SPATA18: variants seen among roughly 807,000 people sequenced by gnomAD.
The protein encoded by SPATA18 is mitochondria-eating protein.
In SPATA18, 54 loss-of-function variants were observed where a neutral mutation model predicts 68.1. That is an observed-to-expected ratio of 0.79 (90% CI 0.64 to 0.99). The LOEUF (loss-of-function observed/expected upper bound fraction) is 0.99. SPATA18 is among the 50% of genes least tolerant of loss of function. SPATA18 has a pLI of 0.00. For missense variants in SPATA18, 724 were observed against 681.1 expected (o/e 1.06, Z -0.70); for synonymous variants, 242 against 244.8 (o/e 0.99, Z 0.11).
At chr4:52,078,292 CT>C (rs1560601069) in intron 7 of SPATA18, 1 of 152,678 alleles carries the variant, frequency 6.5e-6, no homozygotes, top group African/African-American at 2.4e-5. Flanking sequence ...TTTCCCAATG[CT>C]TACCACACCA....
At chr4:52,068,104 G>C (rs1160643394) in intron 4 of SPATA18, among the ~76,000 whole-genome samples, 1 of 152,140 alleles carries the variant, frequency 6.6e-6, no homozygotes, top group African/African-American at 2.4e-5. Context: ...AAATACCCAA[G>C]TTCTTCATTC....
chr4:52,062,325 C>T lies in SPATA18; in HGVS notation c.415C>T (p.Gln139Ter), dbSNP rs771291503. ...AACCCGGAGTCAATGCAACCAGGTT[C>T]AAGACGAGTAAGAGGAATGCAAGTT... is the stretch of plus-strand genomic sequence containing the variant. ...NSTRSQCNQV[Q>*]DDLVETEKNL... Residue 139 changes from glutamine to a stop codon, truncating the protein, a stop_gained, in exon 4 of 13, where the codon CAA (glutamine) becomes TAA (stop). Transcript: ENST00000295213. LOFTEE classifies it high-confidence loss of function. 1 of 1,598,630 alleles carries T rather than the reference C, an allele frequency of 6.3e-7. No individual in the cohort carries two copies. The highest frequency in any genetic ancestry group is 2.2e-5 in the East Asian group (1 of 44,684).
chr4:52,078,769 A>C lies in SPATA18; in HGVS notation c.1055A>C (p.His352Pro). 2 of 1,592,558 alleles carry C rather than the reference A, an allele frequency of 1.3e-6. No individual in the cohort carries two copies. The highest frequency in any genetic ancestry group is 1.7e-6 in the Non-Finnish European group (2 of 1,163,006). Reference sequence around the variant, plus strand: ...CATGTAGCAAAAATGGCATTCAGACACTTCAAGATCCATGTGAGAAAATCG... The same window carrying C: ...CATGTAGCAAAAATGGCATTCAGACCCTTCAAGATCCATGTGAGAAAATCG... ...AFHVAKMAFRHFKIHVRKSLT... is the reference protein window; with the variant it reads ...AFHVAKMAFRPFKIHVRKSLT... Residue 352 changes from histidine (H) to proline (P), a missense_variant, in exon 8 of 13, where the codon CAC becomes CCC. By Grantham distance (77) the His-to-Pro change is moderately conservative (BLOSUM62 -2). Transcript: ENST00000295213.
At chr4:52,066,220 G>A (rs561721647) in intron 4 of SPATA18, among the ~76,000 whole-genome samples, 3 of 152,154 alleles carry the variant, frequency 2.0e-5, no homozygotes, top group East Asian at 3.9e-4. Flanking sequence ...GTGCGATCTC[G>A]GCTCACTGCA....
chr4:52,053,278 A>G (rs1343132731), intron 1 of SPATA18, among the ~76,000 whole-genome samples: 12 of 152,190 alleles, frequency 7.9e-5, no homozygotes, highest in Non-Finnish European at 1.8e-4. Flanking sequence ...TCTTGATAAC[A>G]TCCCATTCTC....
intron 1 of SPATA18, among the ~76,000 whole-genome samples, chr4:52,055,720 G>A (rs1375869014): frequency 6.6e-6 from 1 of 152,144 alleles, no homozygotes; most frequent in African/African-American, 2.4e-5. Context: ...ATTTCTAGGA[G>A]TGGGAGCCCA....
chr4:52,072,171 CA>C lies in SPATA18; in HGVS notation c.758+18del. 10 of 1,612,498 alleles carry C rather than the reference CA, an allele frequency of 6.2e-6. No individual in the cohort carries two copies. Among genetic ancestry groups the C allele is most frequent in the Non-Finnish European group, 7.6e-6 (9 of 1,179,330 alleles). ...CTCCAAGGAAGGTCAGACAAACTCT[CA>C]AAGATCTTCTCATTTAGGCTCTTTT... On this transcript the variant is annotated intron_variant, in intron 6 of 12. Coordinates refer to ENST00000295213, the MANE Select transcript of SPATA18 (RefSeq NM_145263.4).
rs143499998 is a variant in SPATA18 at position 52,082,580 on chromosome 4, C to G, written c.1479+70C>G. 15 of 1,612,700 alleles carry G rather than the reference C, an allele frequency of 9.3e-6. No individual in the cohort carries two copies. In the East Asian group the frequency reaches 1.3e-4, roughly 14 times the overall value. ...TCACAAGTTCGAGAACATTTATAAA[C>G]CCAGAGATTCTATAAAAGAAGTTTA... On this transcript the variant is annotated intron_variant, in intron 10 of 12. Transcript: ENST00000295213.
chr4:52,090,814 T>A, intron 11 of SPATA18, among the ~76,000 whole-genome samples: 1 of 152,190 alleles, frequency 6.6e-6, no homozygotes. Context: ...CTGTATTTCC[T>A]GAATTTGGAT....
chr4:52,059,758 C>A (rs1028886036), intron 1 of SPATA18, among the ~76,000 whole-genome samples: 3 of 152,182 alleles, frequency 2.0e-5, no homozygotes, highest in Non-Finnish European at 4.4e-5. Context: ...TATCCTCAAC[C>A]CAGCAATACC....
At chr4:52,075,006 A>G (rs914866614) in intron 6 of SPATA18, among the ~76,000 whole-genome samples, 1 of 152,184 alleles carries the variant, frequency 6.6e-6, no homozygotes, top group Non-Finnish European at 1.5e-5. Context: ...TAATCCAGGA[A>G]TAAAGTTAGA....
intron 10 of SPATA18, 79 bp from the exon 11 acceptor site, chr4:52,084,837 G>C (rs1371935526): frequency 1.5e-6 from 2 of 1,325,824 alleles, no homozygotes; most frequent in East Asian, 2.3e-5. Flanking sequence ...TTATTCTGTG[G>C]GATATGCATG....
chr4:52,056,729 A>G lies in SPATA18; in HGVS notation c.88-3690A>G, dbSNP rs1430756304. Among the ~76,000 whole-genome samples, 3 of 152,106 alleles carry G rather than the reference A, an allele frequency of 2.0e-5. No homozygotes were observed. The East Asian group carries it at 5.8e-4, about 29-fold the overall frequency. On this transcript the variant is annotated intron_variant, in intron 1 of 12. Coordinates refer to ENST00000295213, the MANE Select transcript of SPATA18 (RefSeq NM_145263.4). The stretch of plus-strand genomic sequence containing the variant: ...CCTTAGTATGTCTATAGCCTCCAGC[A>G]TCTCTCAGCTAGATGGTTATACCCA...
chr4:52,054,544 A>T (rs1221675066), intron 1 of SPATA18, among the ~76,000 whole-genome samples: 1 of 152,168 alleles, frequency 6.6e-6, no homozygotes, highest in Non-Finnish European at 1.5e-5. Flanking sequence ...ATAGTAAGCA[A>T]ACATGCATGT....
chr4:52,077,027 A>G lies in SPATA18; in HGVS notation c.1007A>G (p.Tyr336Cys). The change falls in exon 7 of 13, where the codon TAC (tyrosine) becomes TGC (cysteine). Residue 336 changes from tyrosine (Y) to cysteine (C), a missense_variant. Coordinates refer to ENST00000295213, the MANE Select transcript of SPATA18 (RefSeq NM_145263.4). ...GCTGAGACCGTTCAGCGGATCATCT[A>G]CATCGCCACAGTGGTATGTGACGCC... ...DKAETVQRII[Y>C]IATVEAFHVA... 2 of 1,604,810 alleles carry G rather than the reference A, an allele frequency of 1.2e-6. No individual in the cohort carries two copies. The highest frequency in any genetic ancestry group is 1.7e-6 in the Non-Finnish European group (2 of 1,175,414).
chr4:52,069,910 A>G lies in SPATA18; in HGVS notation c.512A>G (p.Lys171Arg), dbSNP rs1739653153. ...LAAEEEINQL[K>R]KQLKSLQAQE... ...GCAGAGGAGGAAATAAATCAGCTGA[A>G]AAAGCAGTAAGAAAAAAATTACAGG... is the stretch of plus-strand genomic sequence containing the variant. Residue 171 changes from lysine to arginine, a missense_variant, in exon 5 of 13, where the codon AAA (lysine) becomes AGA (arginine). Physicochemically the swap from Lys to Arg is conservative, Grantham distance 26. Coordinates refer to ENST00000295213, the MANE Select transcript of SPATA18 (RefSeq NM_145263.4). The G allele has an allele frequency of 6.3e-7, 1 of 1,588,472 alleles. No homozygotes were observed. The highest frequency in any genetic ancestry group is 8.6e-7 in the Non-Finnish European group (1 of 1,164,810).
intron 6 of SPATA18, among the ~76,000 whole-genome samples, chr4:52,075,288 C>T (rs1740238376): frequency 6.6e-6 from 1 of 152,088 alleles, no homozygotes; most frequent in African/African-American, 2.4e-5. Context: ...TGGGGACGAG[C>T]CTTGGGGTTA....
chr4:52,060,092 C>T (rs973618965), intron 1 of SPATA18, among the ~76,000 whole-genome samples: 1 of 152,142 alleles, frequency 6.6e-6, no homozygotes, highest in African/African-American at 2.4e-5. Context: ...TCTCTTGGCT[C>T]TTCTGCATTC....
At chr4:52,082,701 T>A in intron 10 of SPATA18, 191 bp downstream of exon 10, 1 of 1,433,300 alleles carries the variant, frequency 7.0e-7, no homozygotes, top group Non-Finnish European at 9.1e-7. Context: ...TCTGCATAAT[T>A]TCCTGGCAGT....
Sources: gnomAD v4.1 joint callset for allele counts (sites outside exome capture counted in the v4.1 genomes callset) on GRCh38, gnomAD v4.1.1 for gene constraint, MANE v1.5 for transcripts, NCBI Gene and HGNC (gene_info 2026-07-23, HGNC 2026-07-21) for gene names.